The following DLG2 variants were observed in gnomAD, a reference collection of about 807,000 sequenced individuals.
The protein encoded by DLG2 is discs large MAGUK scaffold protein 2.
DLG2 carries 45 observed loss-of-function variants against 132.5 expected under a neutral mutation model. The observed-to-expected ratio is 0.34, with a 90% confidence interval of 0.27 to 0.44. The LOEUF (loss-of-function observed/expected upper bound fraction) is 0.44, where lower values mean the gene tolerates loss of function less well. Among genes scored for constraint, DLG2 ranks in the 20% least tolerant of loss-of-function variants. DLG2 has a pLI of 1.00. For missense variants in DLG2, 1,045 were observed against 1,196.9 expected, an observed-to-expected ratio of 0.87 and a Z score of 1.87; for synonymous variants, 424 against 419.6, an observed-to-expected ratio of 1.01 and a Z score of -0.13.
At chr11:83,678,957 T>C (rs1482907370) in intron 18 of DLG2, among the ~76,000 whole-genome samples, 1 of 152,136 alleles carries the variant, frequency 6.6e-6, no homozygotes, top group Non-Finnish European at 1.5e-5. Flanking sequence ...ACTTCATTTT[T>C]AAAATATTCC....
intron 4 of DLG2, among the ~76,000 whole-genome samples, chr11:85,169,917 C>T (rs751420842): frequency 8.0e-4 from 122 of 152,120 alleles, no homozygotes; most frequent in Non-Finnish European, 1.4e-3. Flanking sequence ...TTTTGGGTAT[C>T]ATTTTCTAAG....
chr11:84,751,604 A>G lies in DLG2; in HGVS notation c.358-216873T>C, dbSNP rs369664582. Among the ~76,000 whole-genome samples, 14 of 152,282 alleles carry G rather than the reference A, an allele frequency of 9.2e-5. No individual in the cohort carries two copies. In the South Asian group the frequency reaches 2.1e-3, roughly 23 times the overall value. On this transcript the variant is annotated intron_variant, in intron 6 of 27. Transcript: ENST00000376104. ...GATCACATGCTGCAGCATAGCAAAAATCGGCTGTGGTTAACATGCAATTCT... is the reference window on the plus strand; with the variant it reads ...GATCACATGCTGCAGCATAGCAAAAGTCGGCTGTGGTTAACATGCAATTCT...
chr11:85,479,197 G>A (rs1394264325), intron 3 of DLG2, among the ~76,000 whole-genome samples: 3 of 152,174 alleles, frequency 2.0e-5, no homozygotes, highest in African/African-American at 7.2e-5. Flanking sequence ...CAAAGACTCT[G>A]ACTTATGAAC....
At chr11:84,407,430 G>T (rs992995683) in intron 7 of DLG2, among the ~76,000 whole-genome samples, 5 of 152,026 alleles carry the variant, frequency 3.3e-5, no homozygotes, top group African/African-American at 1.2e-4. Context: ...CTGACTGTTT[G>T]GATGACCACC....
At chr11:84,571,625 T>C (rs1470745428) in intron 6 of DLG2, among the ~76,000 whole-genome samples, 1 of 152,082 alleles carries the variant, frequency 6.6e-6, no homozygotes, top group African/African-American at 2.4e-5. Flanking sequence ...CTTTTCCCTA[T>C]GAACAAGCAG....
intron 6 of DLG2, among the ~76,000 whole-genome samples, chr11:84,677,387 C>T (rs1303583769): frequency 6.6e-6 from 1 of 151,994 alleles, no homozygotes. Context: ...AATCCTGTGG[C>T]TGCTTGTAAA....
chr11:84,140,168 G>T (rs1241074469), intron 9 of DLG2, among the ~76,000 whole-genome samples: 1 of 152,094 alleles, frequency 6.6e-6, no homozygotes, highest in Non-Finnish European at 1.5e-5. Flanking sequence ...GTAAGTTAAA[G>T]ATGTGAATTT....
intron 6 of DLG2, among the ~76,000 whole-genome samples, chr11:85,061,139 T>A (rs994397350): frequency 1.3e-4 from 20 of 151,930 alleles, no homozygotes; most frequent in African/African-American, 4.8e-4. Context: ...TCTTTACAAG[T>A]GATGTGATTT....
At chr11:83,559,078 T>C (rs1241927907) in intron 19 of DLG2, among the ~76,000 whole-genome samples, 1 of 152,034 alleles carries the variant, frequency 6.6e-6, no homozygotes, top group East Asian at 1.9e-4. Flanking sequence ...CTTCATGGAA[T>C]AGGTAGTATT....
chr11:85,135,198 T>G (rs1220339262), intron 5 of DLG2, among the ~76,000 whole-genome samples: 1 of 152,194 alleles, frequency 6.6e-6, no homozygotes, highest in Non-Finnish European at 1.5e-5. Flanking sequence ...TAATTAGTCT[T>G]TGTGTCCCTA....
chr11:84,757,953 G>T (rs2067107035), intron 6 of DLG2, among the ~76,000 whole-genome samples: 1 of 152,174 alleles, frequency 6.6e-6, no homozygotes, highest in South Asian at 2.1e-4. Flanking sequence ...AGCCTAACCA[G>T]CAGAAGTCAA....
intron 3 of DLG2, among the ~76,000 whole-genome samples, chr11:85,581,435 C>G (rs1323288362): frequency 1.3e-5 from 2 of 151,748 alleles, no homozygotes; most frequent in Non-Finnish European, 2.9e-5. Flanking sequence ...CATGGTGAAA[C>G]CCCATCTCTA....
At chr11:85,068,940 G>A (rs2065348517) in intron 6 of DLG2, among the ~76,000 whole-genome samples, 2 of 152,080 alleles carry the variant, frequency 1.3e-5, no homozygotes, top group South Asian at 4.1e-4. Flanking sequence ...CATGGTACTG[G>A]TACCAAAACA....
chr11:84,010,107 G>T (rs1471751310), intron 11 of DLG2, among the ~76,000 whole-genome samples: 1 of 151,742 alleles, frequency 6.6e-6, no homozygotes, highest in African/African-American at 2.4e-5. Flanking sequence ...TATATCTCAA[G>T]AAAAAATCTA....
chr11:84,034,807 G>A (rs2095816931), intron 11 of DLG2, among the ~76,000 whole-genome samples: 1 of 152,178 alleles, frequency 6.6e-6, no homozygotes. Context: ...CCTGTCTGGT[G>A]TCCTGGAATT....
intron 6 of DLG2, among the ~76,000 whole-genome samples, chr11:84,769,973 T>A (rs2069027988): frequency 6.6e-6 from 1 of 152,150 alleles, no homozygotes. Context: ...TCGGTATAGT[T>A]CAGATATTTG....
chr11:84,068,626 T>G (rs2096713277), intron 10 of DLG2, among the ~76,000 whole-genome samples: 1 of 152,204 alleles, frequency 6.6e-6, no homozygotes. Flanking sequence ...AACACATACA[T>G]TTTAGTATAA....
At chr11:83,890,198 G>A (rs539490698) in intron 15 of DLG2, among the ~76,000 whole-genome samples, 98 of 152,194 alleles carry the variant, frequency 6.4e-4, no homozygotes, top group African/African-American at 2.1e-3. Context: ...GAAGATTTTC[G>A]TATGCCAGCT....
At chr11:85,010,645 C>T (rs1044920788) in intron 6 of DLG2, among the ~76,000 whole-genome samples, 1 of 152,116 alleles carries the variant, frequency 6.6e-6, no homozygotes, top group African/African-American at 2.4e-5. Flanking sequence ...ATGATGAATT[C>T]TCTGAAGATC....
Sources: gnomAD v4.1 joint callset for allele counts (sites outside exome capture counted in the v4.1 genomes callset) on GRCh38, gnomAD v4.1.1 for gene constraint, MANE v1.5 for transcripts, NCBI Gene and HGNC (gene_info 2026-07-23, HGNC 2026-07-21) for gene names.